Variants in SERINC5 observed in about 807,000 individuals in gnomAD.
SERINC5 encodes the protein chromosome 5 open reading frame 12.
Under a neutral mutation model 63.1 loss-of-function variants are expected in SERINC5, and 41 were observed. That is an observed-to-expected ratio of 0.65 (90% CI 0.51 to 0.84). The LOEUF (loss-of-function observed/expected upper bound fraction) is 0.84, where lower values mean the gene tolerates loss of function less well. SERINC5 is among the 40% of genes least tolerant of loss of function. The probability of loss-of-function intolerance (pLI) is 0.00; values close to 1 mark genes in which losing one functional copy is unlikely to be tolerated. For missense variants in SERINC5, 523 were observed against 573.0 expected, an observed-to-expected ratio of 0.91 and a Z score of 0.89; for synonymous variants, 222 against 215.2, an observed-to-expected ratio of 1.03 and a Z score of -0.28.
rs10708908 is a variant in SERINC5, at chr5:80,132,599, C to CTT, written c.1238+13489_1238+13490dup. ...TTACCTATATGCATTTGCCTTAGTT[C>CTT]TTTTTTTTTTTATTTCCACCATGCC... On this transcript the variant is annotated intron_variant, in intron 11 of 12. Transcript: ENST00000509193. 2.6e-3 allele frequency among the ~76,000 whole-genome samples: 386 copies of CTT among 147,400 alleles called. 1 individual carries two copies. Among genetic ancestry groups the CTT allele is most frequent in the African/African-American group, 8.6e-3 (346 of 40,178 alleles).
At chr5:80,169,246 A>G in intron 6 of SERINC5, 89 bp downstream of exon 6, 1 of 1,127,774 alleles carries the variant, frequency 8.9e-7, no homozygotes, top group Non-Finnish European at 1.3e-6. Context: ...AGTTCCAAAC[A>G]AACAAAACAA....
rs548489099 is a variant in SERINC5 at position 80,143,553 on chromosome 5, T to C, written c.*110A>G. On this transcript the variant is annotated 3_prime_UTR_variant, in exon 12 of 12. Transcript: ENST00000507668. ...TTTTTTTTTTTCTCTCTCAAAGCTT[T>C]TTCAGACCCACTCAGGCACAGGGCG... 1.0e-5 allele frequency: 14 copies of C among 1,379,910 alleles called. No individual in the cohort carries two copies. In the East Asian group the frequency reaches 3.7e-4, roughly 37 times the overall value. The allele number at this position is 1,379,910 out of a possible 1,614,324, so 85.5% of individuals were successfully genotyped here.
At chr5:80,138,426 T>C (rs1482312360), downstream of SERINC5, among the ~76,000 whole-genome samples, 3 of 151,828 alleles carry the variant, frequency 2.0e-5, no homozygotes, top group Non-Finnish European at 2.9e-5. Context: ...CAAAACCCCA[T>C]CTCTACTAAA....
At chr5:80,172,874 A>G (rs955254427) in intron 5 of SERINC5, among the ~76,000 whole-genome samples, 4 of 152,178 alleles carry the variant, frequency 2.6e-5, no homozygotes, top group Admixed American at 6.6e-5. Flanking sequence ...TCTTTCAGTT[A>G]ATTTATGTTT....
chr5:80,111,667 TGAAG>T (rs1315800329), exon 13 of SERINC5: 1 of 151,596 alleles, frequency 6.6e-6, no homozygotes, highest in Non-Finnish European at 1.5e-5. Context: ...GTCTTGCAAA[TGAAG>T]GAGCCAAATG....
At position 80,154,416 on chromosome 5, in the gene SERINC5, C is replaced by T. The variant is rs151290655; in HGVS notation, c.987-3468G>A. Among the ~76,000 whole-genome samples the T allele has an allele frequency of 4.5e-3, 679 of 152,210 alleles. 6 individuals carry two copies. The highest frequency in any genetic ancestry group is 0.016 in the African/African-American group (651 of 41,540). Reference sequence around the variant, plus strand: ...CTGGTCTTGAACTCCTGACCTCAGACGATCCACCCGCCTTGCCCTCCCAAG... The same window carrying T: ...CTGGTCTTGAACTCCTGACCTCAGATGATCCACCCGCCTTGCCCTCCCAAG... On this transcript the variant is annotated intron_variant, in intron 8 of 11. Coordinates refer to ENST00000507668, the MANE Select transcript of SERINC5 (RefSeq NM_001174072.3).
intron 1 of SERINC5, among the ~76,000 whole-genome samples, chr5:80,243,452 A>G (rs987308361): frequency 2.6e-5 from 4 of 152,144 alleles, no homozygotes; most frequent in African/African-American, 7.2e-5. Flanking sequence ...AAGAACTAGG[A>G]ACAGTAGTGA....
intron 11 of SERINC5, among the ~76,000 whole-genome samples, chr5:80,124,915 C>G (rs900945131): frequency 6.6e-6 from 1 of 152,100 alleles, no homozygotes; most frequent in Non-Finnish European, 1.5e-5. Context: ...GAAGCCCATC[C>G]CTGTCACTGT....
intron 1 of SERINC5, among the ~76,000 whole-genome samples, chr5:80,218,190 A>G (rs1404644118): frequency 2.0e-5 from 3 of 152,202 alleles, no homozygotes; most frequent in South Asian, 2.1e-4. Context: ...GGTTTCCCTC[A>G]TGACAGTTAA....
chr5:80,177,826 G>T, intron 3 of SERINC5, 60 bp downstream of exon 3: 2 of 1,324,430 alleles, frequency 1.5e-6, no homozygotes, highest in South Asian at 1.5e-5. Context: ...TGGGATCCTG[G>T]ACTACTGTCC....
rs70982028 is a variant in SERINC5, at chr5:80,181,416, TTG to T, written c.196-3354_196-3353del. 1.9e-3 allele frequency among the ~76,000 whole-genome samples: 270 copies of T among 145,278 alleles called. 1 individual carries two copies. Among genetic ancestry groups the T allele is most frequent in the East Asian group, 1.4e-3 (6 of 4,302 alleles). On this transcript the variant is annotated intron_variant, in intron 2 of 11. Coordinates refer to ENST00000507668, the MANE Select transcript of SERINC5 (RefSeq NM_001174072.3). The stretch of plus-strand genomic sequence containing the variant: ...CATGCACCACCAAGCTCAGCTAATT[TTG>T]TGTGTGTGTGTGTGTGTGTGTGTGT...
At chr5:80,222,806 T>C (rs1750972218) in intron 1 of SERINC5, among the ~76,000 whole-genome samples, 1 of 152,106 alleles carries the variant, frequency 6.6e-6, no homozygotes, top group South Asian at 2.1e-4. Context: ...ACTCCTGGCC[T>C]CAGGTGATCC....
Position 80,150,547 on chromosome 5 carries a change from C to T in SERINC5, c.1053+335G>A, listed in dbSNP as rs114072812. Among the ~76,000 whole-genome samples the T allele has an allele frequency of 5.8e-3, 879 of 152,236 alleles. 11 individuals are homozygous for T. Among genetic ancestry groups the T allele is most frequent in the African/African-American group, 0.02 (836 of 41,536 alleles). On this transcript the variant is annotated intron_variant, in intron 9 of 11. Coordinates refer to ENST00000507668, the MANE Select transcript of SERINC5 (RefSeq NM_001174072.3). ...GCCACCAGGGTTCAAGTGATTCTCGCGTCTCAGCCTCCCAAGTAGCTGGGA... is the reference window on the plus strand; with the variant it reads ...GCCACCAGGGTTCAAGTGATTCTCGTGTCTCAGCCTCCCAAGTAGCTGGGA...
chr5:80,192,708 C>CTT, intron 2 of SERINC5, among the ~76,000 whole-genome samples: 1 of 152,302 alleles, frequency 6.6e-6, no homozygotes, highest in East Asian at 1.9e-4. Flanking sequence ...GAGACTGTCT[C>CTT]GCTGAAATTT....
intron 1 of SERINC5, among the ~76,000 whole-genome samples, chr5:80,254,884 G>T (rs1462904607): frequency 2.6e-5 from 4 of 152,172 alleles, no homozygotes; most frequent in African/African-American, 9.7e-5. Flanking sequence ...GCCGGTTACA[G>T]AAACCCACAG....
At chr5:80,203,492 C>G (rs985394238) in intron 1 of SERINC5, among the ~76,000 whole-genome samples, 9 of 151,644 alleles carry the variant, frequency 5.9e-5, no homozygotes, top group Admixed American at 1.3e-4. Flanking sequence ...GGCAACACAG[C>G]AAGACCCCAT....
At chr5:80,121,888 C>T (rs187099127) in intron 11 of SERINC5, among the ~76,000 whole-genome samples, 56 of 151,886 alleles carry the variant, frequency 3.7e-4, no homozygotes, top group Non-Finnish European at 5.4e-4. Flanking sequence ...TCGGGGAGGG[C>T]ACAAAACCAT....
intron 8 of SERINC5, among the ~76,000 whole-genome samples, chr5:80,151,203 A>G (rs1437824732): frequency 6.6e-6 from 1 of 152,228 alleles, no homozygotes; most frequent in African/African-American, 2.4e-5. Context: ...GAGAAGTAAG[A>G]TATCTTGGTT....
In SERINC5 at chr5:80,193,878, G is replaced by GTT. The variant is rs201877691; in HGVS notation, c.195+9006_195+9007dup. On this transcript the variant is annotated intron_variant, in intron 2 of 11. Transcript: ENST00000507668. ...GAAATTTAGACCAAAAGATAAAACCGTTTGGAAACATATGTCTCCAGAGTC... is the reference window on the plus strand; with the variant it reads ...GAAATTTAGACCAAAAGATAAAACCGTTTTTGGAAACATATGTCTCCAGAGTC... Among the ~76,000 whole-genome samples, 823 of 152,260 alleles carry GTT rather than the reference G, an allele frequency of 5.4e-3. 4 individuals carry two copies. Among genetic ancestry groups the GTT allele is most frequent in the African/African-American group, 0.019 (780 of 41,548 alleles).
Sources: allele counts gnomAD v4.1 joint callset (sites outside exome capture counted in the v4.1 genomes callset), GRCh38; gene constraint gnomAD v4.1.1; transcripts MANE v1.5; gene names NCBI Gene and HGNC (gene_info 2026-07-23, HGNC 2026-07-21).